Variants in MARK1 observed in about 807,000 individuals in gnomAD.
MARK1 encodes microtubule affinity regulating kinase 1.
MARK1 carries 40 observed loss-of-function variants against 96.3 expected under a neutral mutation model. That is an observed-to-expected ratio of 0.42 (90% CI 0.32 to 0.54). The LOEUF is 0.54. Among genes scored for constraint, MARK1 ranks in the 20% least tolerant of loss-of-function variants. The pLI is 0.16. For synonymous variants in MARK1, 317 were observed against 341.2 expected, an observed-to-expected ratio of 0.93 and a Z score of 0.78; for missense variants, 719 against 984.6, an observed-to-expected ratio of 0.73 and a Z score of 3.61.
chr1:220,529,477 A>G (rs1660161262), intron 1 of MARK1, among the ~76,000 whole-genome samples: 1 of 152,210 alleles, frequency 6.6e-6, no homozygotes, highest in Admixed American at 6.5e-5. Context: ...TGAGTAGAAG[A>G]ATTTCACGAA....
At chr1:220,617,858 A>G (rs1666841641) in intron 7 of MARK1, among the ~76,000 whole-genome samples, 2 of 152,192 alleles carry the variant, frequency 1.3e-5, no homozygotes, top group Admixed American at 6.5e-5. Context: ...CAGTTACTGT[A>G]GATATACCTT....
intron 16 of MARK1, among the ~76,000 whole-genome samples, chr1:220,655,973 A>T (rs962502410): frequency 1.2e-4 from 19 of 152,258 alleles, no homozygotes; most frequent in African/African-American, 4.6e-4. Flanking sequence ...TGTACCTGCT[A>T]TTCCTTCTGC....
chr1:220,529,947 C>T (rs1288431728), intron 1 of MARK1, among the ~76,000 whole-genome samples: 4 of 152,142 alleles, frequency 2.6e-5, no homozygotes, highest in Non-Finnish European at 5.9e-5. Context: ...CTAGTTATCT[C>T]ATCAGCCGTC....
chr1:220,549,017 G>A (rs1206538833), intron 1 of MARK1, among the ~76,000 whole-genome samples: 1 of 152,142 alleles, frequency 6.6e-6, no homozygotes, highest in Non-Finnish European at 1.5e-5. Context: ...AGGGAGAAGT[G>A]CCTCTAAAAA....
chr1:220,538,581 A>G lies in MARK1; in HGVS notation c.51+9708A>G, dbSNP rs1212000934. On this transcript the variant is annotated intron_variant, in intron 1 of 17. Transcript: ENST00000366917. ...TCTTTTTTGGTTCCATATGAACTTT[A>G]AAGTAGTTTTTTCCAATTCTGTGAA... 2.0e-5 allele frequency among the ~76,000 whole-genome samples: 3 copies of G among 151,842 alleles called. No homozygotes were observed. In the South Asian group the frequency reaches 6.2e-4, roughly 32 times the overall value.
chr1:220,572,300 G>T (rs2102813810), intron 1 of MARK1, among the ~76,000 whole-genome samples: 1 of 152,216 alleles, frequency 6.6e-6, no homozygotes, highest in Admixed American at 6.5e-5. Context: ...GGAGTACAAT[G>T]GTGCGATCTC....
intron 13 of MARK1, among the ~76,000 whole-genome samples, chr1:220,648,110 G>T (rs1668684423): frequency 1.3e-5 from 2 of 150,624 alleles, no homozygotes; most frequent in Non-Finnish European, 3.0e-5. Context: ...GGGAAGAAGA[G>T]ATTTCTTTTA....
At chr1:220,560,287 G>C (rs1394506101) in intron 1 of MARK1, among the ~76,000 whole-genome samples, 1 of 152,128 alleles carries the variant, frequency 6.6e-6, no homozygotes, top group Non-Finnish European at 1.5e-5. Flanking sequence ...CCATATGAAA[G>C]ATCCCCCCAG....
At chr1:220,559,917 T>C (rs941009308) in intron 1 of MARK1, among the ~76,000 whole-genome samples, 2 of 150,418 alleles carry the variant, frequency 1.3e-5, no homozygotes, top group Non-Finnish European at 3.0e-5. Context: ...GTGTATGTTC[T>C]AAGACTGTGT....
chr1:220,612,051 AT>A (rs1666476940), intron 6 of MARK1, among the ~76,000 whole-genome samples: 1 of 152,194 alleles, frequency 6.6e-6, no homozygotes, highest in Admixed American at 6.5e-5. Context: ...CGTTTTAAGT[AT>A]TATTCATTTA....
chr1:220,537,526 T>C (rs1660795345), intron 1 of MARK1, among the ~76,000 whole-genome samples: 1 of 150,224 alleles, frequency 6.7e-6, no homozygotes, highest in Admixed American at 6.7e-5. Flanking sequence ...TTTGCTGTTG[T>C]GAATAGTGCC....
At chr1:220,602,797 C>T (rs757691891) in intron 5 of MARK1, among the ~76,000 whole-genome samples, 9 of 152,012 alleles carry the variant, frequency 5.9e-5, no homozygotes, top group South Asian at 4.1e-4. Context: ...ACATTCATTA[C>T]GTATTTGATT....
At chr1:220,655,352 T>C (rs1366295217) in intron 16 of MARK1, among the ~76,000 whole-genome samples, 1 of 152,222 alleles carries the variant, frequency 6.6e-6, no homozygotes, top group Non-Finnish European at 1.5e-5. Flanking sequence ...ATCTTTCTGC[T>C]GAACTGCAGA....
chr1:220,639,957 A>G (rs1000660752), intron 13 of MARK1, among the ~76,000 whole-genome samples: 4 of 152,210 alleles, frequency 2.6e-5, no homozygotes, highest in Non-Finnish European at 5.9e-5. Flanking sequence ...TGTCTTGTCT[A>G]TTGGTGACAT....
At chr1:220,660,566 G>A (rs1273309311) in intron 17 of MARK1, among the ~76,000 whole-genome samples, 1 of 151,970 alleles carries the variant, frequency 6.6e-6, no homozygotes, top group Non-Finnish European at 1.5e-5. Flanking sequence ...TCACATAAGT[G>A]AGATAGGTTA....
chr1:220,609,706 C>G (rs1666317551), intron 6 of MARK1, among the ~76,000 whole-genome samples: 1 of 152,126 alleles, frequency 6.6e-6, no homozygotes, highest in Non-Finnish European at 1.5e-5. Flanking sequence ...TTGTTTCTTT[C>G]CATGTTTACT....
chr1:220,622,342 C>T (rs1667090085), intron 9 of MARK1, among the ~76,000 whole-genome samples: 2 of 152,142 alleles, frequency 1.3e-5, no homozygotes, highest in African/African-American at 4.8e-5. Context: ...TCTTATTGCC[C>T]TCTCTTTGTC....
At chr1:220,571,679 T>A (rs1293773668) in intron 1 of MARK1, 2 of 152,222 alleles carry the variant, frequency 1.3e-5, no homozygotes, top group Non-Finnish European at 2.9e-5. Flanking sequence ...TAAAGTATCT[T>A]CAGCCATGTT....
intron 1 of MARK1, among the ~76,000 whole-genome samples, chr1:220,561,708 G>C (rs1572083693): frequency 1.3e-5 from 2 of 152,148 alleles, no homozygotes; most frequent in Admixed American, 6.6e-5. Context: ...GAATAGTATA[G>C]ACAATGGGTA....
Sources: gnomAD v4.1 joint callset for allele counts (sites outside exome capture counted in the v4.1 genomes callset) on GRCh38, gnomAD v4.1.1 for gene constraint, MANE v1.5 for transcripts, NCBI Gene and HGNC (gene_info 2026-07-23, HGNC 2026-07-21) for gene names.